Variants in ZNF462 observed in about 807,000 individuals in gnomAD.
The protein encoded by ZNF462 is zinc finger protein 462, also known as zinc finger PBX1-interacting protein.
Under a neutral mutation model 201.9 loss-of-function variants are expected in ZNF462, and 10 were observed. The observed-to-expected ratio is 0.05, with a 90% CI of 0.03 to 0.08. The LOEUF is 0.08. Ranked by LOEUF, ZNF462 falls within the 10% of genes least tolerant of loss-of-function variation. The pLI is 1.00. For missense variants in ZNF462, 2,523 were observed against 3,168.3 expected (o/e 0.80, Z 4.89); for synonymous variants, 1,227 against 1,193.3 (o/e 1.03, Z -0.58).
In ZNF462 at chr9:106,930,789, G is replaced by A; in HGVS notation, c.6012+100G>A. 1 of 1,413,680 alleles carries A rather than the reference G, an allele frequency of 7.1e-7. No homozygotes were observed. The highest frequency in any genetic ancestry group is 9.7e-7 in the Non-Finnish European group (1 of 1,033,956). 87.6% of individuals were successfully genotyped at this position (1,413,680 alleles called of 1,614,324 possible). A position where few individuals can be genotyped will look rare whatever the true frequency, so the allele number is the denominator to read the frequency against. On this transcript the variant is annotated intron_variant, in intron 4 of 12. Transcript: ENST00000277225. This position sits in a 1 kb window ranked among gnomAD's most constrained non-coding sequence, Gnocchi z 5.8. ...AGCTCAGGAAAGAGCATCTCAGAATGCGGGCATTCCTGAATTATGCTTGGA... is the reference window on the plus strand; with the variant it reads ...AGCTCAGGAAAGAGCATCTCAGAATACGGGCATTCCTGAATTATGCTTGGA...
In ZNF462 at chr9:106,970,972, G is replaced by A. The variant is rs907335633; in HGVS notation, c.6428-1033G>A. ...CATTTCCGACATTTTCCTCAGAATCGCAAACTTTAAAATACCTTTCAGGGA... is the reference window on the plus strand; with the variant it reads ...CATTTCCGACATTTTCCTCAGAATCACAAACTTTAAAATACCTTTCAGGGA... On this transcript the variant is annotated intron_variant, in intron 7 of 12. Transcript: ENST00000277225. The surrounding 1 kb of genome is among the most constrained non-coding windows in gnomAD (Gnocchi z 4.2). Among the ~76,000 whole-genome samples the A allele has an allele frequency of 1.3e-5, 2 of 151,720 alleles. No individual in the cohort carries two copies. The highest frequency in any genetic ancestry group is 2.9e-5 in the Non-Finnish European group (2 of 67,954).
Position 106,984,277 on chromosome 9 carries a change from C to T in ZNF462, c.6924C>T (p.Thr2308=). The T allele has an allele frequency of 1.2e-6, 2 of 1,614,124 alleles. No homozygotes were observed. The highest frequency in any genetic ancestry group is 2.2e-5 in the South Asian group (2 of 91,076). The change falls in exon 10 of 13, where the codon ACC becomes ACT. Residue 2308 remains threonine (T), a synonymous_variant. Coordinates refer to ENST00000277225, the MANE Select transcript of ZNF462 (RefSeq NM_021224.6). The surrounding 1 kb of genome is among the most constrained non-coding windows in gnomAD (Gnocchi z 6.4). ...TCCGCTGTGATAAGTGTACCTTCAC[C>T]TGCTCCAGTGATGAGAGCCTCCAGC... The part of the protein sequence containing the change: ...VVFRCDKCTF[T]CSSDESLQQH...
rs1307692296 is a variant in ZNF462 at position 107,012,497 on chromosome 9, T to C, written c.*1467T>C. 1.4e-5 allele frequency: 2 copies of C among 144,878 alleles called. No homozygotes were observed. Among genetic ancestry groups the C allele is most frequent in the African/African-American group, 5.1e-5 (2 of 39,240 alleles). The allele number at this position is 144,878 out of a possible 1,614,324, so 9.0% of individuals were successfully genotyped here. On this transcript the variant is annotated 3_prime_UTR_variant, in exon 13 of 13. Transcript: ENST00000277225. ...GCTGCCAGCTGCTCTGTCCCCCATA[T>C]CAGCTTTTTCAGGAGGGAGCAGCTT...
intron 1 of ZNF462, among the ~76,000 whole-genome samples, chr9:106,891,654 C>T (rs1470037525): frequency 2.0e-5 from 3 of 152,314 alleles, no homozygotes; most frequent in Admixed American, 2.0e-4. Context: ...TAATAAATCA[C>T]ATCTGAACGT....
chr9:106,864,094 CTCTCTCTCTCT>C (rs1564062719), intron 1 of ZNF462, among the ~76,000 whole-genome samples: 4 of 130,020 alleles, frequency 3.1e-5, no homozygotes, highest in Non-Finnish European at 3.4e-5. Context: ...CTCTCTCTCT[CTCTCTCTCTCT>C]CTCTCCCTCT....
intron 1 of ZNF462, among the ~76,000 whole-genome samples, chr9:106,868,130 T>C (rs1354777437): frequency 1.3e-5 from 2 of 151,468 alleles, no homozygotes. Context: ...TTTCACATAC[T>C]TATGGAGTAT....
Position 106,929,894 on chromosome 9 carries a change from T to A in ZNF462, c.5847+135T>A. The A allele has an allele frequency of 1.3e-6, 1 of 765,116 alleles. No homozygotes were observed. Among genetic ancestry groups the A allele is most frequent in the Non-Finnish European group, 2.1e-6 (1 of 479,572 alleles). 47.4% of individuals were successfully genotyped at this position (765,116 alleles called of 1,614,324 possible). On this transcript the variant is annotated intron_variant, in intron 3 of 12. Coordinates refer to ENST00000277225, the MANE Select transcript of ZNF462 (RefSeq NM_021224.6). The surrounding 1 kb of genome is among the most constrained non-coding windows in gnomAD (Gnocchi z 8.7). ...TTGCCAGAGAGCTCAATAAGTCAAT[T>A]AAACATTTCGAGCTTGATTATCTCC...
chr9:106,862,550 T>C (rs62568584), upstream of ZNF462, among the ~76,000 whole-genome samples: 1 of 151,872 alleles, frequency 6.6e-6, no homozygotes, highest in Non-Finnish European at 1.5e-5. The surrounding 1 kb of genome is among the most constrained non-coding windows in gnomAD (Gnocchi z 4.2). Flanking sequence ...TTTGCCTCCT[T>C]CTCCTTTGCC....
chr9:106,924,353 C>A lies in ZNF462; in HGVS notation c.441C>A (p.Ser147=), dbSNP rs140067056. The A allele has an allele frequency of 5.4e-4, 864 of 1,614,136 alleles. 1 individual carries two copies. In the African/African-American group the frequency reaches 0.011, roughly 20 times the overall value. ...CATCAGGACCCCCTGTCCCGGGATC[C>A]TTAAATTATAATATCATGATGCACG... is the stretch of plus-strand genomic sequence containing the variant. The part of the protein sequence containing the change: ...GSSSGPPVPG[S]LNYNIMMHEG... Residue 147 remains serine (S), a synonymous_variant, in exon 3 of 13, where the codon TCC becomes TCA. Coordinates refer to ENST00000277225, the MANE Select transcript of ZNF462 (RefSeq NM_021224.6). This position sits in a 1 kb window ranked among gnomAD's most constrained non-coding sequence, Gnocchi z 6.2.
Position 106,965,209 on chromosome 9 carries a change from T to A in ZNF462, c.6428-6796T>A, listed in dbSNP as rs530309880. On this transcript the variant is annotated intron_variant, in intron 7 of 12. Coordinates refer to ENST00000277225, the MANE Select transcript of ZNF462 (RefSeq NM_021224.6). ...AAGAAGAGAAAGCACACTGGTGGCG[T>A]TGATTAAGGATCCCCAAGGATGCAA... Among the ~76,000 whole-genome samples, 169 of 152,154 alleles carry A rather than the reference T, an allele frequency of 1.1e-3. 1 individual carries two copies. The highest frequency in any genetic ancestry group is 3.4e-3 in the Middle Eastern group (1 of 294).
rs1588209641 is a variant in ZNF462, at chr9:107,008,074, T to G, written c.7190-1471T>G. 6.6e-6 allele frequency among the ~76,000 whole-genome samples: 1 copy of G among 151,936 alleles called. No homozygotes were observed. Among genetic ancestry groups the G allele is most frequent in the African/African-American group, 2.4e-5 (1 of 41,356 alleles). ...CCTGCCTAGGAAGCTCAGGGAAGATTTGAAAGAGAAGAATCCAGGCATGAA... is the reference window on the plus strand; with the variant it reads ...CCTGCCTAGGAAGCTCAGGGAAGATGTGAAAGAGAAGAATCCAGGCATGAA... On this transcript the variant is annotated intron_variant, in intron 11 of 12. Coordinates refer to ENST00000277225, the MANE Select transcript of ZNF462 (RefSeq NM_021224.6). The surrounding 1 kb of genome is among the most constrained non-coding windows in gnomAD (Gnocchi z 4.8).
chr9:106,934,100 A>C (rs750546169), intron 5 of ZNF462, among the ~76,000 whole-genome samples: 4 of 152,196 alleles, frequency 2.6e-5, no homozygotes, highest in Admixed American at 6.5e-5. Context: ...CAGGCACTGT[A>C]CTAAGGGCCT....
At position 107,003,483 on chromosome 9, in the gene ZNF462, A is replaced by G. The variant is rs549276326; in HGVS notation, c.7189+57A>G. 1.9e-6 allele frequency: 3 copies of G among 1,592,566 alleles called. No homozygotes were observed. The highest frequency in any genetic ancestry group is 1.7e-6 in the Non-Finnish European group (2 of 1,169,566). On this transcript the variant is annotated intron_variant, in intron 11 of 12. Coordinates refer to ENST00000277225, the MANE Select transcript of ZNF462 (RefSeq NM_021224.6). The surrounding 1 kb of genome is among the most constrained non-coding windows in gnomAD (Gnocchi z 4.4). ...TGGCATCTGGCATGTCCGTAGTGAG[A>G]CAGAAGGGAGGCAGGAGGTTGTTGT...
chr9:106,918,079 G>A (rs977561773), intron 1 of ZNF462, among the ~76,000 whole-genome samples: 1 of 151,826 alleles, frequency 6.6e-6, no homozygotes, highest in East Asian at 1.9e-4. Flanking sequence ...GTTTCACCAT[G>A]TTGACCAGAC....
chr9:106,933,100 G>A lies in ZNF462; in HGVS notation c.6116+551G>A, dbSNP rs934761987. ...GCTTTGAAAGTGTAAATATGGAATA[G>A]GTGTGTAAGGCTTTTTGGGGCCATG... On this transcript the variant is annotated intron_variant, in intron 5 of 12. Transcript: ENST00000277225. The surrounding 1 kb of genome is among the most constrained non-coding windows in gnomAD (Gnocchi z 4.3). The A allele has an allele frequency of 5.5e-5, 9 of 162,680 alleles. No homozygotes were observed. Among genetic ancestry groups the A allele is most frequent in the African/African-American group, 1.9e-4 (8 of 41,470 alleles). 10.1% of individuals were successfully genotyped at this position (162,680 alleles called of 1,614,324 possible). A position where few individuals can be genotyped will look rare whatever the true frequency, so the allele number is the denominator to read the frequency against.
At position 106,929,213 on chromosome 9, in the gene ZNF462, A is replaced by C. The variant is rs1466600287; in HGVS notation, c.5301A>C (p.Lys1767Asn). The C allele has an allele frequency of 6.2e-7, 1 of 1,614,178 alleles. No individual in the cohort carries two copies. The highest frequency in any genetic ancestry group is 8.5e-7 in the Non-Finnish European group (1 of 1,180,028). The change falls in exon 3 of 13, where the codon AAA becomes AAC. Residue 1767 changes from lysine to asparagine, a missense_variant. By Grantham distance (94) the Lys-to-Asn change is moderately conservative (BLOSUM62 0). This residue lies in a region of ZNF462 where 207 missense variants were observed against 231.6 expected (regional missense o/e 0.89). Transcript: ENST00000277225. The surrounding 1 kb of genome is among the most constrained non-coding windows in gnomAD (Gnocchi z 8.7). ...SEELRRAVEK[K>N]KCSLCSFQSF... is the part of the protein sequence containing the mutation. ...AACTCCGGCGGGCAGTGGAGAAGAAAAAGTGCTCCTTGTGCTCTTTCCAGT... is the reference window on the plus strand; with the variant it reads ...AACTCCGGCGGGCAGTGGAGAAGAACAAGTGCTCCTTGTGCTCTTTCCAGT...
At chr9:106,921,564 A>G (rs917946452) in intron 1 of ZNF462, among the ~76,000 whole-genome samples, 10 of 152,202 alleles carry the variant, frequency 6.6e-5, no homozygotes, top group Admixed American at 1.3e-4. Context: ...GCAGGAGCTC[A>G]TATCTCTTGA....
At position 106,923,354 on chromosome 9, in the gene ZNF462, G is replaced by T. The variant is rs1455797535; in HGVS notation, c.-30G>T. On this transcript the variant is annotated splice_region_variant and 5_prime_UTR_variant, in exon 2 of 13. Transcript: ENST00000277225. This position sits in a 1 kb window ranked among gnomAD's most constrained non-coding sequence, Gnocchi z 5.6. Reference sequence around the variant, plus strand: ...TGTTTTGTTCTGACTTCTGCCACAGGTTCCTAATGTGAGAGGCTAGACCCA... The same window carrying T: ...TGTTTTGTTCTGACTTCTGCCACAGTTTCCTAATGTGAGAGGCTAGACCCA... 1.6e-5 allele frequency: 26 copies of T among 1,609,566 alleles called. No homozygotes were observed. Among genetic ancestry groups the T allele is most frequent in the Non-Finnish European group, 2.1e-5 (25 of 1,176,502 alleles).
intron 7 of ZNF462, among the ~76,000 whole-genome samples, chr9:106,969,328 G>A (rs565234994): frequency 2.0e-5 from 3 of 152,206 alleles, no homozygotes; most frequent in South Asian, 2.1e-4. Context: ...TGCTTTTCCC[G>A]TGACTTCTTG....
Sources: allele counts gnomAD v4.1 joint callset (sites outside exome capture counted in the v4.1 genomes callset), GRCh38; gene constraint gnomAD v4.1.1; regional missense constraint gnomAD v4.1.1; non-coding constraint Gnocchi (gnomAD v3.1); transcripts MANE v1.5; gene names NCBI Gene and HGNC (gene_info 2026-07-23, HGNC 2026-07-21).